Variants in NOP9 observed in about 807,000 individuals in gnomAD.
NOP9 encodes NOP9 nucleolar protein.
A neutral mutation model predicts 63.0 loss-of-function variants in NOP9; 50 were observed. The observed-to-expected ratio is 0.79, with a 90% CI of 0.63 to 1.00. The LOEUF is 1.00. NOP9 is among the 50% of genes least tolerant of loss of function. NOP9 has a pLI of 0.00. For synonymous variants in NOP9, 343 were observed against 332.8 expected (o/e 1.03, Z -0.33); for missense variants, 758 against 803.0 (o/e 0.94, Z 0.68).
rs1402265688 is a variant in NOP9, at chr14:24,304,525, T to C, written c.1680T>C (p.His560=). ...ATGTGGCTCTGGCCTGTAGTCGCCATGGCAGCCGTGTGCTAGATGCCATCT... is the reference window on the plus strand; with the variant it reads ...ATGTGGCTCTGGCCTGTAGTCGCCACGGCAGCCGTGTGCTAGATGCCATCT... ...GQYVALACSR[H]GSRVLDAIWS... is the part of the protein sequence containing the mutation. Residue 560 remains histidine (H), a synonymous_variant, in exon 9 of 10, where the codon CAT becomes CAC. Transcript: ENST00000267425. 6.2e-7 allele frequency: 1 copy of C among 1,613,124 alleles called. No homozygotes were observed. The highest frequency in any genetic ancestry group is 8.5e-7 in the Non-Finnish European group (1 of 1,179,784).
At chr14:24,286,757 T>A in the NOP9 span, among the ~76,000 whole-genome samples, 1 of 151,472 alleles carries the variant, frequency 6.6e-6, no homozygotes, top group Non-Finnish European at 1.5e-5. Flanking sequence ...CATGCCCAGC[T>A]ATTTTTTTGT....
Position 24,307,853 on chromosome 14 carries a change from C to G in NOP9, c.*2758C>G. The stretch of plus-strand genomic sequence containing the variant: ...CACTGGGGTTCAGAGCTGAGAGGTA[C>G]TCCATGGTGGACCGGAGAGTTCCTT... On this transcript the variant is annotated 3_prime_UTR_variant, in exon 10 of 10. Transcript: ENST00000267425. 1.9e-6 allele frequency: 3 copies of G among 1,592,856 alleles called. No homozygotes were observed. The highest frequency in any genetic ancestry group is 2.6e-6 in the Non-Finnish European group (3 of 1,169,198).
At chr14:24,291,306 A>G in the NOP9 span, 8 of 1,368,326 alleles carry the variant, frequency 5.8e-6, no homozygotes, top group Non-Finnish European at 8.3e-6. Flanking sequence ...GGCACTGCTG[A>G]GAGCCCTGGA....
chr14:24,294,312 G>GT, the NOP9 span: 1 of 152,174 alleles, frequency 6.6e-6, no homozygotes, highest in African/African-American at 2.4e-5. Context: ...GCGAGGCTGA[G>GT]TATGGTGGCT....
the NOP9 span, chr14:24,271,269 T>A: frequency 2.2e-5 from 21 of 975,654 alleles, no homozygotes; most frequent in African/African-American, 2.8e-4. Flanking sequence ...ACCCCCAGAG[T>A]GTAAAGAGGT....
Position 24,308,143 on chromosome 14 carries a change from G to A in NOP9, c.*3048G>A. 6.1e-6 allele frequency: 3 copies of A among 494,840 alleles called. No individual in the cohort carries two copies. Among genetic ancestry groups the A allele is most frequent in the Non-Finnish European group, 1.1e-5 (3 of 272,174 alleles). The allele number at this position is 494,840 out of a possible 1,614,324, so 30.7% of individuals were successfully genotyped here. On this transcript the variant is annotated 3_prime_UTR_variant, in exon 10 of 10. Transcript: ENST00000267425. ...GGTGATGACATGTGTTGTGAGGGTAGATGGGAACCATGTAAAAGGATGAAA... is the reference window on the plus strand; with the variant it reads ...GGTGATGACATGTGTTGTGAGGGTAAATGGGAACCATGTAAAAGGATGAAA...
At chr14:24,303,978 T>TG in intron 7 of NOP9, 63 bp from the exon 8 acceptor site, 1 of 1,578,738 alleles carries the variant, frequency 6.3e-7, no homozygotes, top group Admixed American at 1.7e-5. Flanking sequence ...GGCAGTGTTC[T>TG]GGGGATGGGC....
upstream of NOP9, among the ~76,000 whole-genome samples, chr14:24,297,470 T>G (rs2041270409): frequency 6.6e-6 from 1 of 152,204 alleles, no homozygotes; most frequent in Non-Finnish European, 1.5e-5. Context: ...AATCCTCCTA[T>G]TCTCCAAATT....
chr14:24,284,154 C>A, the NOP9 span, among the ~76,000 whole-genome samples: 10 of 152,302 alleles, frequency 6.6e-5, no homozygotes, highest in South Asian at 1.7e-3. Context: ...CCTGTCACCC[C>A]CCAGGAAGGT....
At chr14:24,279,087 A>T in the NOP9 span, among the ~76,000 whole-genome samples, 1 of 152,214 alleles carries the variant, frequency 6.6e-6, no homozygotes, top group Admixed American at 6.5e-5. Flanking sequence ...TTATTCTACC[A>T]AAGGTAGAAT....
chr14:24,271,497 AGGAG>A, the NOP9 span: 1 of 183,212 alleles, frequency 5.5e-6, no homozygotes, highest in Non-Finnish European at 1.1e-5. Flanking sequence ...CTGCGCTGGG[AGGAG>A]GCGCGGGGGA....
rs777536803 is a variant in NOP9, at chr14:24,303,782, C to T, written c.1335C>T (p.Leu445=). Reference sequence around the variant, plus strand: ...CCCGGCAAGTGGCCTGTGTGCCTCTCTTTGCCACTTTGATGGCTTATGAGG... The same window carrying T: ...CCCGGCAAGTGGCCTGTGTGCCTCTTTTTGCCACTTTGATGGCTTATGAGG... ...PSSRQVACVP[L]FATLMAYEVY... The change falls in exon 7 of 10, where the codon CTC becomes CTT. Residue 445 remains leucine, a synonymous_variant. Transcript: ENST00000267425. 7.4e-6 allele frequency: 12 copies of T among 1,614,128 alleles called. No individual in the cohort carries two copies. Among genetic ancestry groups the T allele is most frequent in the South Asian group, 2.2e-5 (2 of 91,074 alleles).
chr14:24,306,156 AG>A lies in NOP9; in HGVS notation c.*1062del. ...CTCCACTCTGTAGGACACCCTTGTCAGTGCAGTAGATCCTCATACCAGACAC... is the reference window on the plus strand; with the variant it reads ...CTCCACTCTGTAGGACACCCTTGTCATGCAGTAGATCCTCATACCAGACAC... On this transcript the variant is annotated 3_prime_UTR_variant, in exon 10 of 10. Transcript: ENST00000267425. The A allele has an allele frequency of 6.2e-7, 1 of 1,608,350 alleles. No individual in the cohort carries two copies. Among genetic ancestry groups the A allele is most frequent in the Non-Finnish European group, 8.5e-7 (1 of 1,176,280 alleles).
chr14:24,283,519 G>A, the NOP9 span, among the ~76,000 whole-genome samples: 1 of 152,020 alleles, frequency 6.6e-6, no homozygotes, highest in African/African-American at 2.4e-5. Flanking sequence ...AGGATCCCTT[G>A]AGCTGGGGAG....
chr14:24,306,726 T>G lies in NOP9; in HGVS notation c.*1631T>G, dbSNP rs2041521220. ...TAGCTAGAGGCTGACCTTTTTCCTCTTTGCTCCTACCATGTCATTGGCATC... is the reference window on the plus strand; with the variant it reads ...TAGCTAGAGGCTGACCTTTTTCCTCGTTGCTCCTACCATGTCATTGGCATC... On this transcript the variant is annotated 3_prime_UTR_variant, in exon 10 of 10. Coordinates refer to ENST00000267425, the MANE Select transcript of NOP9 (RefSeq NM_174913.3). 3.3e-6 allele frequency: 2 copies of G among 608,712 alleles called. No individual in the cohort carries two copies. The highest frequency in any genetic ancestry group is 5.9e-5 in the Admixed American group (2 of 33,870). The allele number at this position is 608,712 out of a possible 1,614,324, so 37.7% of individuals were successfully genotyped here. A position where few individuals can be genotyped will look rare whatever the true frequency, so the allele number is the denominator to read the frequency against.
upstream of NOP9, among the ~76,000 whole-genome samples, chr14:24,297,137 C>G (rs574062045): frequency 3.9e-5 from 6 of 152,220 alleles, no homozygotes; most frequent in African/African-American, 7.2e-5. Flanking sequence ...TGAGGCCCAC[C>G]ATGTGCACAG....
upstream of NOP9, chr14:24,296,783 TTGCTG>T (rs777655333): frequency 6.2e-7 from 1 of 1,614,192 alleles, no homozygotes; most frequent in African/African-American, 1.3e-5. Flanking sequence ...CTAGACGCCC[TTGCTG>T]TTCCCGATCC....
chr14:24,290,699 C>T, the NOP9 span: 1 of 822,942 alleles, frequency 1.2e-6, no homozygotes, highest in Non-Finnish European at 1.9e-6. Flanking sequence ...AAAGAAGGGA[C>T]CTAGGCGCAC....
upstream of NOP9, chr14:24,296,580 C>T (rs754850456): frequency 1.9e-6 from 3 of 1,613,946 alleles, no homozygotes; most frequent in South Asian, 1.1e-5. Flanking sequence ...TCCTGGTGTT[C>T]AGGATCGTCT....
Sources: gnomAD v4.1 joint callset for allele counts (sites outside exome capture counted in the v4.1 genomes callset) on GRCh38, gnomAD v4.1.1 for gene constraint, MANE v1.5 for transcripts, NCBI Gene and HGNC (gene_info 2026-07-23, HGNC 2026-07-21) for gene names.